SORCS2: variants seen among roughly 807,000 people sequenced by gnomAD.
SORCS2 encodes sortilin related VPS10 domain containing receptor 2.
In SORCS2, 100 loss-of-function variants were observed where a neutral mutation model predicts 141.6. The ratio of observed to expected loss-of-function variants is 0.71; its 90% confidence interval spans 0.60 to 0.83. The LOEUF (loss-of-function observed/expected upper bound fraction) is 0.83, where lower values mean the gene tolerates loss of function less well. Ranked by LOEUF, SORCS2 falls within the 40% of genes least tolerant of loss-of-function variation. The probability of loss-of-function intolerance (pLI) is 0.00; values close to 1 mark genes in which losing one functional copy is unlikely to be tolerated. For synonymous variants in SORCS2, 789 were observed against 676.9 expected (o/e 1.17, Z -2.57); for missense variants, 1,646 against 1,560.2 (o/e 1.05, Z -0.93).
intron 14 of SORCS2, among the ~76,000 whole-genome samples, chr4:7,708,067 G>C (rs143371637): frequency 6.6e-6 from 1 of 152,340 alleles, no homozygotes; most frequent in Non-Finnish European, 1.5e-5. Flanking sequence ...CCGGGAAGCA[G>C]AACGTCTGTG....
At chr4:7,226,916 T>TTCATTTTG (rs1158947358) in intron 1 of SORCS2, among the ~76,000 whole-genome samples, 2 of 152,212 alleles carry the variant, frequency 1.3e-5, no homozygotes, top group African/African-American at 4.8e-5. Flanking sequence ...GAATGATGCC[T>TTCATTTTG]TGCTAGCAAG....
chr4:7,439,983 T>C (rs1727554070), intron 2 of SORCS2, among the ~76,000 whole-genome samples: 1 of 152,222 alleles, frequency 6.6e-6, no homozygotes, highest in South Asian at 2.1e-4. Flanking sequence ...ACCACCCATG[T>C]TGCTGGTGCT....
chr4:7,456,465 G>T (rs1342087846), intron 2 of SORCS2, among the ~76,000 whole-genome samples: 1 of 151,372 alleles, frequency 6.6e-6, no homozygotes, highest in Admixed American at 6.6e-5. Flanking sequence ...CCACCCATAA[G>T]CCTGAAGGGT....
In SORCS2 at chr4:7,233,621, G is replaced by A. The variant is rs1349641426; in HGVS notation, c.480+40495G>A. On this transcript the variant is annotated intron_variant, in intron 1 of 26. Transcript: ENST00000507866. The surrounding 1 kb of genome is among the most constrained non-coding windows in gnomAD (Gnocchi z 4.5). ...GCTGGCGGTCACCGTGGAGTGCAGC[G>A]CTTCTCAGGTGGGACGTTCTAAGGT... is the stretch of plus-strand genomic sequence containing the variant. 2.0e-5 allele frequency among the ~76,000 whole-genome samples: 3 copies of A among 152,144 alleles called. No individual in the cohort carries two copies. Among genetic ancestry groups the A allele is most frequent in the African/African-American group, 4.8e-5 (2 of 41,414 alleles).
chr4:7,688,124 C>T (rs531173403), intron 10 of SORCS2, among the ~76,000 whole-genome samples: 2 of 152,252 alleles, frequency 1.3e-5, no homozygotes, highest in East Asian at 1.9e-4. Context: ...CTGTGTAAAA[C>T]GTAAGCAATT....
At chr4:7,545,886 C>T (rs1343603889) in intron 3 of SORCS2, among the ~76,000 whole-genome samples, 1 of 152,226 alleles carries the variant, frequency 6.6e-6, no homozygotes, top group African/African-American at 2.4e-5. Flanking sequence ...TTTCTCATAG[C>T]TCTGGGGTTT....
intron 2 of SORCS2, among the ~76,000 whole-genome samples, chr4:7,445,978 C>T (rs1042575116): frequency 2.0e-5 from 3 of 150,748 alleles, no homozygotes; most frequent in African/African-American, 4.9e-5. Flanking sequence ...CCAAATGCCT[C>T]GAAGCTGCTT....
intron 2 of SORCS2, among the ~76,000 whole-genome samples, chr4:7,410,949 CTTTTTTTT>C (rs5855962): frequency 1.9e-3 from 142 of 73,848 alleles, no homozygotes; most frequent in African/African-American, 6.6e-3. Context: ...TCTCTCCATC[CTTTTTTTT>C]TTTTTTTTTT....
At chr4:7,235,364 C>T (rs561036691) in intron 1 of SORCS2, among the ~76,000 whole-genome samples, 269 of 152,340 alleles carry the variant, frequency 1.8e-3, no homozygotes, top group Non-Finnish European at 2.3e-3. Context: ...ATCTTTGGGG[C>T]AGGAACTGGT....
At chr4:7,246,427 C>T (rs915627652) in intron 1 of SORCS2, among the ~76,000 whole-genome samples, 3 of 146,814 alleles carry the variant, frequency 2.0e-5, no homozygotes, top group Non-Finnish European at 4.5e-5. Flanking sequence ...ACATCTCACT[C>T]GGGGCTTAAA....
At chr4:7,332,520 G>A (rs753752737) in intron 1 of SORCS2, among the ~76,000 whole-genome samples, 4 of 152,164 alleles carry the variant, frequency 2.6e-5, no homozygotes, top group Non-Finnish European at 5.9e-5. Context: ...TGTGACCCCC[G>A]ACCCTGGCCT....
At position 7,573,457 on chromosome 4, in the gene SORCS2, A is replaced by T. The variant is rs542076503; in HGVS notation, c.648+41828A>T. ...AAGGTTTCCTTATTTTTCAGATAAAATAGAGGCATAAATAGAGTTCTATTA... is the reference window on the plus strand; with the variant it reads ...AAGGTTTCCTTATTTTTCAGATAAATTAGAGGCATAAATAGAGTTCTATTA... On this transcript the variant is annotated intron_variant, in intron 3 of 26. Coordinates refer to ENST00000507866, the MANE Select transcript of SORCS2 (RefSeq NM_020777.3). Among the ~76,000 whole-genome samples, 6 of 152,348 alleles carry T rather than the reference A, an allele frequency of 3.9e-5. No homozygotes were observed. In the East Asian group the frequency reaches 1.2e-3, roughly 29 times the overall value.
chr4:7,378,884 C>A (rs1722820428), intron 1 of SORCS2, among the ~76,000 whole-genome samples: 3 of 152,238 alleles, frequency 2.0e-5, no homozygotes, highest in Non-Finnish European at 4.4e-5. Flanking sequence ...ATTTCCTCTT[C>A]TTGCCCTATT....
At chr4:7,705,079 T>C (rs1725337837) in intron 14 of SORCS2, among the ~76,000 whole-genome samples, 1 of 152,100 alleles carries the variant, frequency 6.6e-6, no homozygotes, top group Non-Finnish European at 1.5e-5. Context: ...ATTGTCAATG[T>C]AATTAAGCCA....
At chr4:7,598,588 G>A (rs1717440408) in intron 3 of SORCS2, among the ~76,000 whole-genome samples, 2 of 152,198 alleles carry the variant, frequency 1.3e-5, no homozygotes, top group Admixed American at 1.3e-4. Flanking sequence ...CGGCTGTGTG[G>A]GGGGCAATGC....
At position 7,505,110 on chromosome 4, in the gene SORCS2, A is replaced by C. The variant is rs368485909; in HGVS notation, c.549-26420A>C. On this transcript the variant is annotated intron_variant, in intron 2 of 26. Coordinates refer to ENST00000507866, the MANE Select transcript of SORCS2 (RefSeq NM_020777.3). The stretch of plus-strand genomic sequence containing the variant: ...AGCCCATGGTGGAACGGGTGAGTCA[A>C]ATGTGCTAAGAAAGCCCGATATCAT... 3.3e-5 allele frequency among the ~76,000 whole-genome samples: 5 copies of C among 152,328 alleles called. No individual in the cohort carries two copies. In the East Asian group the frequency reaches 5.8e-4, roughly 18 times the overall value.
At chr4:7,543,623 T>TCCAC (rs1712899246) in intron 3 of SORCS2, among the ~76,000 whole-genome samples, 4 of 128,418 alleles carry the variant, frequency 3.1e-5, no homozygotes, top group Admixed American at 7.7e-5. Context: ...CATCCACCCA[T>TCCAC]CCATCCACCC....
rs760541640 is a variant in SORCS2, at chr4:7,638,489, C to T, written c.810C>T (p.Ser270=). 1.3e-5 allele frequency: 21 copies of T among 1,610,212 alleles called. No individual in the cohort carries two copies. The highest frequency in any genetic ancestry group is 1.7e-5 in the Admixed American group (1 of 59,608). ...EDKVLAYTKE[S]KLYVSSDLGK... ...AGGTCCTCGCCTACACAAAGGAGAG[C>T]AAGGTAAGATATATGGGTGCCAGTC... The change falls in exon 4 of 27, where the codon AGC becomes AGT. Residue 270 remains serine, a synonymous_variant. Coordinates refer to ENST00000507866, the MANE Select transcript of SORCS2 (RefSeq NM_020777.3).
chr4:7,713,115 C>T (rs1725938446), intron 15 of SORCS2, among the ~76,000 whole-genome samples: 1 of 152,110 alleles, frequency 6.6e-6, no homozygotes, highest in African/African-American at 2.4e-5. Context: ...GTCTCTACTC[C>T]AGCCCATGGA....
Sources: allele counts gnomAD v4.1 joint callset (sites outside exome capture counted in the v4.1 genomes callset), GRCh38; gene constraint gnomAD v4.1.1; non-coding constraint Gnocchi (gnomAD v3.1); transcripts MANE v1.5; gene names NCBI Gene and HGNC (gene_info 2026-07-23, HGNC 2026-07-21).